NTF3: variants seen among roughly 807,000 people sequenced by gnomAD.
NTF3 encodes the protein neurotrophin 3.
In NTF3, 8 loss-of-function variants were observed where a neutral mutation model predicts 26.3. That is an observed-to-expected ratio of 0.30 (90% CI 0.18 to 0.55). The LOEUF is 0.55. NTF3 is among the 20% of genes least tolerant of loss of function. The pLI is 0.93. For missense variants in NTF3, 276 were observed against 352.9 expected, an observed-to-expected ratio of 0.78 and a Z score of 1.75; for synonymous variants, 154 against 145.5, an observed-to-expected ratio of 1.06 and a Z score of -0.42.
At chr12:5,479,715 G>T (rs1940764267) in intron 1 of NTF3, among the ~76,000 whole-genome samples, 1 of 152,180 alleles carries the variant, frequency 6.6e-6, no homozygotes. Context: ...TCCCCAAAAA[G>T]CTGGAGATGT....
rs761546638 is a variant in NTF3, at chr12:5,494,377, G to A, written c.202G>A (p.Val68Ile). The change falls in exon 2 of 2, where the codon GTT (valine) becomes ATT (isoleucine). Residue 68 changes from valine to isoleucine, a missense_variant. This residue lies in a region of NTF3 where 221 missense variants were observed against 258.2 expected (regional missense o/e 0.86). Coordinates refer to ENST00000423158, the MANE Select transcript of NTF3 (RefSeq NM_001102654.2). This position sits in a 1 kb window ranked among gnomAD's most constrained non-coding sequence, Gnocchi z 8.3. The part of the protein sequence containing the change: ...KNKLSKQMVD[V>I]KENYQSTLPK... ...CAAGCTCTCCAAGCAGATGGTGGAC[G>A]TTAAGGAAAATTACCAGAGCACCCT... is the stretch of plus-strand genomic sequence containing the variant. 6 of 1,614,038 alleles carry A rather than the reference G, an allele frequency of 3.7e-6. No homozygotes were observed. Among genetic ancestry groups the A allele is most frequent in the South Asian group, 2.2e-5 (2 of 91,072 alleles).
chr12:5,450,523 T>C (rs1201576445), intron 1 of NTF3, among the ~76,000 whole-genome samples: 1 of 152,228 alleles, frequency 6.6e-6, no homozygotes, highest in Non-Finnish European at 1.5e-5. Context: ...AACTTCTGAA[T>C]GGTTGCAGCC....
rs746781555 is a variant in NTF3, at chr12:5,494,620, C to G, written c.445C>G (p.Arg149Gly). ...CGTGGTGGCGAACAGAACATCACGG[C>G]GGAAACGGTACGCGGAGCATAAGAG... Reference protein sequence around the residue: ...SPVVANRTSRRKRYAEHKSHR... With the variant: ...SPVVANRTSRGKRYAEHKSHR... The change falls in exon 2 of 2, where the codon CGG becomes GGG. Residue 149 changes from arginine (R) to glycine (G), a missense_variant. Physicochemically the swap from Arg to Gly is moderately radical, Grantham distance 125. Coordinates refer to ENST00000423158, the MANE Select transcript of NTF3 (RefSeq NM_001102654.2). The surrounding 1 kb of genome is among the most constrained non-coding windows in gnomAD (Gnocchi z 8.3). 173 of 1,613,922 alleles carry G rather than the reference C, an allele frequency of 1.1e-4. No individual in the cohort carries two copies. Among genetic ancestry groups the G allele is most frequent in the Non-Finnish European group, 1.5e-4 (172 of 1,180,030 alleles).
rs1186659440 is a variant in NTF3 at position 5,495,272 on chromosome 12, T to G, written c.*284T>G. On this transcript the variant is annotated 3_prime_UTR_variant, in exon 2 of 2. Transcript: ENST00000423158. ...CATTCAGTATTGTCAAGGCCATGAC[T>G]GTTGTTTTAGTAAACTTGTTAAAAT... 1 of 374,178 alleles carries G rather than the reference T, an allele frequency of 2.7e-6. No individual in the cohort carries two copies. Among genetic ancestry groups the G allele is most frequent in the African/African-American group, 2.1e-5 (1 of 48,080 alleles). 23.2% of individuals were successfully genotyped at this position (374,178 alleles called of 1,614,324 possible). A position where few individuals can be genotyped will look rare whatever the true frequency, so the allele number is the denominator to read the frequency against.
intron 1 of NTF3, among the ~76,000 whole-genome samples, chr12:5,444,761 G>C (rs1319808303): frequency 6.6e-6 from 1 of 152,136 alleles, no homozygotes; most frequent in Non-Finnish European, 1.5e-5. Context: ...CTGCAGTGTG[G>C]CTCTGAATAA....
chr12:5,491,011 G>A (rs1202891931), intron 1 of NTF3, among the ~76,000 whole-genome samples: 1 of 152,184 alleles, frequency 6.6e-6, no homozygotes, highest in Non-Finnish European at 1.5e-5. Flanking sequence ...GCTATGCTAG[G>A]TGCTTCCATG....
In NTF3 at chr12:5,495,241, A is replaced by G; in HGVS notation, c.*253A>G. ...CTCTGTAAAATCTGTGTACACCAGT[A>G]TTTTGCATTCAGTATTGTCAAGGCC... On this transcript the variant is annotated 3_prime_UTR_variant, in exon 2 of 2. Transcript: ENST00000423158. The G allele has an allele frequency of 2.2e-6, 1 of 463,182 alleles. No individual in the cohort carries two copies. Among genetic ancestry groups the G allele is most frequent in the Non-Finnish European group, 4.0e-6 (1 of 252,320 alleles). The allele number at this position is 463,182 out of a possible 1,614,324, so 28.7% of individuals were successfully genotyped here.
At chr12:5,443,113 C>G (rs56057649) in intron 1 of NTF3, among the ~76,000 whole-genome samples, 1 of 152,024 alleles carries the variant, frequency 6.6e-6, no homozygotes, top group Non-Finnish European at 1.5e-5. Flanking sequence ...CTAAGAGCTG[C>G]GCGATGTTGT....
At chr12:5,464,591 A>G (rs1940565766) in intron 1 of NTF3, among the ~76,000 whole-genome samples, 1 of 152,154 alleles carries the variant, frequency 6.6e-6, no homozygotes, top group African/African-American at 2.4e-5. Flanking sequence ...CTTGATGATG[A>G]TGATCCAGTG....
intron 1 of NTF3, among the ~76,000 whole-genome samples, chr12:5,463,902 T>G (rs916108900): frequency 6.6e-5 from 10 of 152,238 alleles, no homozygotes; most frequent in Admixed American, 2.6e-4. Flanking sequence ...TGTCTTGGCA[T>G]AATAACGAAA....
chr12:5,472,663 G>C (rs548820798), intron 1 of NTF3, among the ~76,000 whole-genome samples: 20 of 152,252 alleles, frequency 1.3e-4, no homozygotes, highest in South Asian at 1.0e-3. Context: ...GGTTTTCAAG[G>C]CTGGCTTGAC....
At chr12:5,482,355 G>A (rs997607890) in intron 1 of NTF3, among the ~76,000 whole-genome samples, 1 of 152,180 alleles carries the variant, frequency 6.6e-6, no homozygotes, top group Non-Finnish European at 1.5e-5. Flanking sequence ...GAGCCAGGAA[G>A]CGCTGTGTGA....
intron 1 of NTF3, among the ~76,000 whole-genome samples, chr12:5,489,986 G>C (rs1340379036): frequency 6.6e-6 from 1 of 152,212 alleles, no homozygotes; most frequent in Non-Finnish European, 1.5e-5. Flanking sequence ...GTGGGAAAGC[G>C]TTTCTAAGTG....
chr12:5,466,758 A>C (rs941749679), intron 1 of NTF3, among the ~76,000 whole-genome samples: 10 of 152,278 alleles, frequency 6.6e-5, no homozygotes, highest in Non-Finnish European at 1.5e-4. Flanking sequence ...CAAAATGAAC[A>C]GGCAAGAAAT....
intron 1 of NTF3, among the ~76,000 whole-genome samples, chr12:5,473,093 C>A (rs535906543): frequency 6.6e-6 from 1 of 152,274 alleles, no homozygotes; most frequent in African/African-American, 2.4e-5. Context: ...AAAAACATCT[C>A]CTCCCACCCA....
chr12:5,434,472 AGTGTGTGTGT>A (rs59874216), intron 1 of NTF3, among the ~76,000 whole-genome samples: 5 of 142,692 alleles, frequency 3.5e-5, no homozygotes, highest in South Asian at 2.3e-4. Context: ...GTTTTTCCAA[AGTGTGTGTGT>A]GTGTGTGTGT....
intron 1 of NTF3, among the ~76,000 whole-genome samples, chr12:5,480,481 G>A (rs994779954): frequency 6.6e-6 from 1 of 152,190 alleles, no homozygotes; most frequent in East Asian, 1.9e-4. Flanking sequence ...TTAAAGGAGG[G>A]TCTCCCTGCA....
At chr12:5,473,713 T>C (rs1274415460) in intron 1 of NTF3, among the ~76,000 whole-genome samples, 4 of 152,354 alleles carry the variant, frequency 2.6e-5, no homozygotes, top group Non-Finnish European at 4.4e-5. Context: ...TCCTTCTCCA[T>C]GTCCTACTGA....
intron 1 of NTF3, among the ~76,000 whole-genome samples, chr12:5,477,148 T>C (rs1398944039): frequency 6.6e-5 from 10 of 152,188 alleles, no homozygotes; most frequent in Non-Finnish European, 1.2e-4. Flanking sequence ...TTCTCTAGTT[T>C]CCCCAGGGTG....
Sources: gnomAD v4.1 joint callset for allele counts (sites outside exome capture counted in the v4.1 genomes callset) on GRCh38, gnomAD v4.1.1 for gene constraint, gnomAD v4.1.1 regional missense constraint, Gnocchi (gnomAD v3.1) non-coding constraint, MANE v1.5 for transcripts, NCBI Gene and HGNC (gene_info 2026-07-23, HGNC 2026-07-21) for gene names.